The following KLF12 variants were observed in gnomAD, a reference collection of about 807,000 sequenced individuals.
KLF12 encodes the protein KLF transcription factor 12, also known as Krueppel-like factor 12.
A neutral mutation model predicts 37.8 loss-of-function variants in KLF12; 9 were observed. The observed-to-expected ratio is 0.24, with a 90% confidence interval of 0.14 to 0.42. The LOEUF is 0.42. Among genes scored for constraint, KLF12 ranks in the 10% least tolerant of loss-of-function variants. KLF12 has a pLI of 1.00. For missense variants in KLF12, 411 were observed against 516.0 expected, an observed-to-expected ratio of 0.80 and a Z score of 1.97; for synonymous variants, 208 against 202.1, an observed-to-expected ratio of 1.03 and a Z score of -0.25.
chr13:74,091,030 T>A (rs183458500), intron 1 of KLF12, among the ~76,000 whole-genome samples: 70 of 151,664 alleles, frequency 4.6e-4, no homozygotes, highest in Non-Finnish European at 8.8e-5. Flanking sequence ...AGCATAAGGA[T>A]GTAGGTCAAT....
At chr13:73,968,797 C>A (rs1891244533) in intron 2 of KLF12, among the ~76,000 whole-genome samples, 1 of 152,082 alleles carries the variant, frequency 6.6e-6, no homozygotes, top group Non-Finnish European at 1.5e-5. Flanking sequence ...ACTTAAAAAA[C>A]CACATCCAAG....
At chr13:74,289,196 C>T in the KLF12 span, 5 of 152,130 alleles carry the variant, frequency 3.3e-5, no homozygotes, top group African/African-American at 1.2e-4. Flanking sequence ...TGAGATAACT[C>T]ACTACCTTTG....
At chr13:74,193,799 G>T in the KLF12 span, among the ~76,000 whole-genome samples, 2 of 152,130 alleles carry the variant, frequency 1.3e-5, 1 homozygote, top group Middle Eastern at 6.3e-3. Flanking sequence ...CACGATGTCT[G>T]ATCTCTTCCT....
chr13:74,076,386 G>A (rs1161892484), intron 1 of KLF12, among the ~76,000 whole-genome samples: 1 of 152,152 alleles, frequency 6.6e-6, no homozygotes, highest in African/African-American at 2.4e-5. Flanking sequence ...TCAAGGGGCT[G>A]GAAGGTTTGT....
chr13:73,939,708 T>C (rs1054502148), intron 3 of KLF12, among the ~76,000 whole-genome samples: 11 of 152,122 alleles, frequency 7.2e-5, no homozygotes, highest in Non-Finnish European at 5.9e-5. Context: ...CCTGTGAAGA[T>C]GGGTGGTTAA....
chr13:73,802,795 C>T (rs1462571066), intron 5 of KLF12, among the ~76,000 whole-genome samples: 1 of 152,160 alleles, frequency 6.6e-6, no homozygotes, highest in Non-Finnish European at 1.5e-5. Flanking sequence ...GCAGCAGACA[C>T]AATTTCATTC....
At chr13:74,211,994 A>G in the KLF12 span, among the ~76,000 whole-genome samples, 89 of 152,320 alleles carry the variant, frequency 5.8e-4, 1 homozygote, top group African/African-American at 1.8e-3. Flanking sequence ...TTTTACATAT[A>G]CCACATAATG....
rs1835868992 is a variant in KLF12 at position 73,687,742 on chromosome 13, C to T, written c.*7748G>A. On this transcript the variant is annotated 3_prime_UTR_variant, in exon 8 of 8. Transcript: ENST00000377669. ...AACAAAAATGAATCTCTGTGAAAGT[C>T]TTGATGAACCTGCTTTGGAAGAAGA... is the stretch of plus-strand genomic sequence containing the variant. 6.6e-6 allele frequency: 1 copy of T among 152,166 alleles called. No homozygotes were observed. Among genetic ancestry groups the T allele is most frequent in the Non-Finnish European group, 1.5e-5 (1 of 68,022 alleles). 9.4% of individuals were successfully genotyped at this position (152,166 alleles called of 1,614,324 possible).
chr13:74,173,764 A>G, the KLF12 span, among the ~76,000 whole-genome samples: 1 of 152,332 alleles, frequency 6.6e-6, no homozygotes, highest in South Asian at 2.1e-4. Flanking sequence ...CCAGACCAAT[A>G]TAATTCTCCT....
At chr13:74,079,209 A>ATGG (rs1874739524) in intron 1 of KLF12, among the ~76,000 whole-genome samples, 2 of 122,212 alleles carry the variant, frequency 1.6e-5, no homozygotes, top group African/African-American at 2.6e-5. Flanking sequence ...ACAAAATAGA[A>ATGG]CGGGTACCAG....
intron 3 of KLF12, among the ~76,000 whole-genome samples, chr13:73,877,946 A>C (rs970485997): frequency 5.9e-5 from 9 of 152,116 alleles, no homozygotes; most frequent in South Asian, 4.2e-4. Context: ...CCACGACTCT[A>C]TCCTGTGCTC....
chr13:74,146,825 A>C, the KLF12 span, among the ~76,000 whole-genome samples: 18 of 152,228 alleles, frequency 1.2e-4, no homozygotes, highest in African/African-American at 4.3e-4. Flanking sequence ...AACTAAGTCC[A>C]ATGGAAGTTA....
chr13:74,194,430 G>C, the KLF12 span, among the ~76,000 whole-genome samples: 1 of 152,208 alleles, frequency 6.6e-6, no homozygotes, highest in Non-Finnish European at 1.5e-5. Context: ...CAAGATCAAT[G>C]TGCCAGCAGG....
chr13:74,239,654 G>T, the KLF12 span, among the ~76,000 whole-genome samples: 1 of 130,316 alleles, frequency 7.7e-6, no homozygotes, highest in Non-Finnish European at 1.6e-5. Context: ...ATTTAGGATA[G>T]TTAGCTCTTC....
the KLF12 span, among the ~76,000 whole-genome samples, chr13:74,295,933 C>T: frequency 0.017 from 2,642 of 152,150 alleles, 85 homozygotes; most frequent in African/African-American, 0.06. Context: ...CCCACCTCAG[C>T]GTCCTGAGTA....
chr13:74,255,602 C>T, the KLF12 span, among the ~76,000 whole-genome samples: 1 of 152,134 alleles, frequency 6.6e-6, no homozygotes, highest in African/African-American at 2.4e-5. Context: ...ATCCACAAAA[C>T]AGTTATTTGT....
intron 1 of KLF12, among the ~76,000 whole-genome samples, chr13:74,088,779 C>CT (rs1875473695): frequency 6.6e-6 from 1 of 152,148 alleles, no homozygotes; most frequent in Non-Finnish European, 1.5e-5. Context: ...AACTCTACAC[C>CT]TTTTTTACAG....
rs142352938 is a variant in KLF12 at position 74,045,884 on chromosome 13, G to A, written c.-31-50831C>T. On this transcript the variant is annotated intron_variant, in intron 1 of 7. Transcript: ENST00000377669. Reference sequence around the variant, plus strand: ...GCTGCCAGGATGGGCTCTGGCCACCGCCCTGAACTGGAATAACTGAGTAAT... The same window carrying A: ...GCTGCCAGGATGGGCTCTGGCCACCACCCTGAACTGGAATAACTGAGTAAT... 6.5e-3 allele frequency among the ~76,000 whole-genome samples: 986 copies of A among 152,318 alleles called. 4 individuals are homozygous for A. Among genetic ancestry groups the A allele is most frequent in the South Asian group, 0.018 (89 of 4,822 alleles).
chr13:74,205,575 T>C, the KLF12 span, among the ~76,000 whole-genome samples: 1 of 152,192 alleles, frequency 6.6e-6, no homozygotes, highest in Non-Finnish European at 1.5e-5. Context: ...TGGATTTGTA[T>C]GGACACGTAA....
Sources: gnomAD v4.1 joint callset for allele counts (sites outside exome capture counted in the v4.1 genomes callset) on GRCh38, gnomAD v4.1.1 for gene constraint, MANE v1.5 for transcripts, NCBI Gene and HGNC (gene_info 2026-07-23, HGNC 2026-07-21) for gene names.